Variants in NPFFR2 observed in about 807,000 individuals in gnomAD.
The protein encoded by NPFFR2 is neuropeptide FF receptor 2.
A neutral mutation model predicts 13.1 loss-of-function variants in NPFFR2; 15 were observed. The ratio of observed to expected loss-of-function variants is 1.15; its 90% CI spans 0.77 to 1.76. The LOEUF (loss-of-function observed/expected upper bound fraction) is 1.76. Ranked by LOEUF, NPFFR2 falls within the 40% of genes most tolerant of loss-of-function variation. NPFFR2 has a pLI of 0.00. For synonymous variants in NPFFR2, 190 were observed against 175.7 expected (o/e 1.08, Z -0.65); for missense variants, 572 against 503.5 (o/e 1.14, Z -1.30).
chr4:72,062,585 T>G (rs531223970), intron 1 of NPFFR2, among the ~76,000 whole-genome samples: 2 of 151,700 alleles, frequency 1.3e-5, no homozygotes, highest in Non-Finnish European at 2.9e-5. Flanking sequence ...CTTTCCAATG[T>G]GAAATTGTAG....
At chr4:72,094,777 C>T (rs1721013211) in intron 1 of NPFFR2, among the ~76,000 whole-genome samples, 1 of 152,212 alleles carries the variant, frequency 6.6e-6, no homozygotes, top group Non-Finnish European at 1.5e-5. Flanking sequence ...AGCTCCTCTG[C>T]TGCCCCACAG....
intron 1 of NPFFR2, among the ~76,000 whole-genome samples, chr4:72,057,541 T>C (rs1322791609): frequency 6.6e-6 from 1 of 151,978 alleles, no homozygotes; most frequent in Non-Finnish European, 1.5e-5. Flanking sequence ...TCCTCTGCCT[T>C]TCTCTTACAA....
chr4:72,083,353 T>C (rs2109795054), intron 1 of NPFFR2, among the ~76,000 whole-genome samples: 1 of 152,272 alleles, frequency 6.6e-6, no homozygotes, highest in South Asian at 2.1e-4. Flanking sequence ...CCAACACTTG[T>C]TATATTTTGT....
intron 2 of NPFFR2, 59 bp downstream of exon 2, chr4:72,128,978 A>G: frequency 3.1e-6 from 4 of 1,288,804 alleles, no homozygotes; most frequent in Non-Finnish European, 4.4e-6. Context: ...ATATTTCAGC[A>G]GCCATTGGCA....
intron 1 of NPFFR2, among the ~76,000 whole-genome samples, chr4:72,094,130 G>T (rs1720988194): frequency 6.6e-6 from 1 of 152,138 alleles, no homozygotes; most frequent in South Asian, 2.1e-4. Flanking sequence ...CAGCTGAGCT[G>T]CCAGGCTCCA....
intron 2 of NPFFR2, among the ~76,000 whole-genome samples, chr4:72,136,127 G>T (rs575450830): frequency 6.6e-6 from 1 of 152,272 alleles, no homozygotes; most frequent in Admixed American, 6.5e-5. Flanking sequence ...AGGCCAAGAT[G>T]AGAGGATTAC....
intron 2 of NPFFR2, 152 bp from the exon 3 acceptor site, chr4:72,137,888 A>G (rs963209160): frequency 1.1e-5 from 7 of 622,546 alleles, no homozygotes; most frequent in Non-Finnish European, 2.0e-5. Context: ...AGCTCTGGAG[A>G]TATTAGGGGA....
chr4:72,124,103 A>G (rs1220053339), intron 1 of NPFFR2, among the ~76,000 whole-genome samples: 1 of 152,216 alleles, frequency 6.6e-6, no homozygotes, highest in African/African-American at 2.4e-5. Flanking sequence ...AATCACAAAC[A>G]TTCCTATATA....
intron 1 of NPFFR2, among the ~76,000 whole-genome samples, chr4:72,095,396 G>T (rs945637595): frequency 2.0e-5 from 3 of 152,032 alleles, no homozygotes; most frequent in East Asian, 1.9e-4. Context: ...GGCTCTTTTT[G>T]TGTTGCTGTT....
Position 72,122,609 on chromosome 4 carries a change from T to C in NPFFR2, c.-7-5976T>C, listed in dbSNP as rs545029786. On this transcript the variant is annotated intron_variant, in intron 1 of 3. Coordinates refer to ENST00000308744, the MANE Select transcript of NPFFR2 (RefSeq NM_004885.3). ...CAGGATTAAGAAACTCACTCAAAAC[T>C]GCACAACTACATAGAAACCGAACAT... is the stretch of plus-strand genomic sequence containing the variant. 3.9e-5 allele frequency among the ~76,000 whole-genome samples: 6 copies of C among 152,224 alleles called. 1 individual carries two copies. The South Asian group carries it at 1.0e-3, about 26-fold the overall frequency.
At chr4:72,059,603 G>A (rs181550405) in intron 1 of NPFFR2, among the ~76,000 whole-genome samples, 148 of 152,116 alleles carry the variant, frequency 9.7e-4, no homozygotes, top group African/African-American at 3.5e-3. Context: ...ATTGCTTTTG[G>A]TTTACTATCT....
rs1722839854 is a variant in NPFFR2, at chr4:72,147,860, AATCCAT to A, written c.*49_*54del. On this transcript the variant is annotated 3_prime_UTR_variant, in exon 4 of 4. Coordinates refer to ENST00000308744, the MANE Select transcript of NPFFR2 (RefSeq NM_004885.3). ...AACTCTACTACGCATTATATATTTA[AATCCAT>A]TGCTTTTTGTGGCTTTGCACTTCAA... 2 of 1,321,846 alleles carry A rather than the reference AATCCAT, an allele frequency of 1.5e-6. No individual in the cohort carries two copies. Among genetic ancestry groups the A allele is most frequent in the African/African-American group, 3.0e-5 (2 of 67,548 alleles). The allele number at this position is 1,321,846 out of a possible 1,614,324, so 81.9% of individuals were successfully genotyped here.
intron 1 of NPFFR2, among the ~76,000 whole-genome samples, chr4:72,122,611 C>T (rs1319212792): frequency 6.6e-6 from 1 of 152,182 alleles, no homozygotes; most frequent in Non-Finnish European, 1.5e-5. Context: ...CTCAAAACTG[C>T]ACAACTACAT....
chr4:72,036,915 C>T (rs749395687), intron 1 of NPFFR2, among the ~76,000 whole-genome samples: 1 of 152,100 alleles, frequency 6.6e-6, no homozygotes, highest in African/African-American at 2.4e-5. Context: ...CCTTATGATT[C>T]TCATATCTTG....
At chr4:72,136,151 T>C (rs1415550171) in intron 2 of NPFFR2, among the ~76,000 whole-genome samples, 1 of 151,390 alleles carries the variant, frequency 6.6e-6, no homozygotes, top group African/African-American at 2.4e-5. Flanking sequence ...AGCCTAGGAG[T>C]TCAAAACCAG....
At chr4:72,057,250 G>T (rs1416644636) in intron 1 of NPFFR2, among the ~76,000 whole-genome samples, 1 of 151,936 alleles carries the variant, frequency 6.6e-6, no homozygotes, top group East Asian at 1.9e-4. Flanking sequence ...ACTGGTGGGT[G>T]CAGGTTTGCT....
At chr4:72,131,556 C>G (rs957152932) in intron 2 of NPFFR2, among the ~76,000 whole-genome samples, 2 of 151,806 alleles carry the variant, frequency 1.3e-5, no homozygotes, top group Admixed American at 6.6e-5. Flanking sequence ...TGTAACTAAC[C>G]TGCACAATGT....
intron 1 of NPFFR2, among the ~76,000 whole-genome samples, chr4:72,119,133 T>A (rs2109825963): frequency 6.6e-6 from 1 of 152,246 alleles, no homozygotes; most frequent in African/African-American, 2.4e-5. Flanking sequence ...ATACAATATA[T>A]AAAAATGCAT....
chr4:72,033,979 A>G (rs961519738), intron 1 of NPFFR2, among the ~76,000 whole-genome samples: 4 of 152,174 alleles, frequency 2.6e-5, no homozygotes, highest in Non-Finnish European at 5.9e-5. Context: ...TGTGATAAAT[A>G]TTTATAAACC....
Sources: allele counts gnomAD v4.1 joint callset (sites outside exome capture counted in the v4.1 genomes callset), GRCh38; gene constraint gnomAD v4.1.1; transcripts MANE v1.5; gene names NCBI Gene and HGNC (gene_info 2026-07-23, HGNC 2026-07-21).